The following LSM12 variants were observed in gnomAD, a reference collection of about 807,000 sequenced individuals.
LSM12 encodes the protein LSM12 homolog.
For synonymous variants in LSM12, 74 were observed against 87.3 expected, an observed-to-expected ratio of 0.85 and a Z score of 0.85; for missense variants, 108 against 238.9, an observed-to-expected ratio of 0.45 and a Z score of 3.61.
intron 2 of LSM12, among the ~76,000 whole-genome samples, chr17:44,062,466 G>C (rs534601226): frequency 3.1e-4 from 47 of 152,316 alleles, no homozygotes; most frequent in African/African-American, 1.1e-3. Flanking sequence ...GTGCTGATGG[G>C]TGGTAAGGCT....
chr17:44,037,974 T>C (rs1428620473), intron 3 of LSM12, among the ~76,000 whole-genome samples: 3 of 152,174 alleles, frequency 2.0e-5, no homozygotes, highest in East Asian at 1.9e-4. Flanking sequence ...GCATGGACAA[T>C]AGGTAAAACA....
At chr17:44,062,046 C>G (rs1010745396) in intron 2 of LSM12, among the ~76,000 whole-genome samples, 2 of 151,882 alleles carry the variant, frequency 1.3e-5, no homozygotes, top group African/African-American at 4.8e-5. Flanking sequence ...ACAGTGAAAC[C>G]CCGTCTCTAC....
chr17:44,046,491 G>A (rs1299391255), intron 2 of LSM12, among the ~76,000 whole-genome samples: 1 of 150,794 alleles, frequency 6.6e-6, no homozygotes, highest in East Asian at 2.1e-4. Context: ...ATGGATCACG[G>A]GGTCAGGAGA....
At chr17:44,048,778 G>GAAAACA (rs1010344730) in intron 2 of LSM12, among the ~76,000 whole-genome samples, 6 of 152,154 alleles carry the variant, frequency 3.9e-5, no homozygotes, top group African/African-American at 1.4e-4. Flanking sequence ...GATTCCCAGT[G>GAAAACA]AAAACACAGT....
intron 2 of LSM12, among the ~76,000 whole-genome samples, chr17:44,052,035 G>C (rs1014729299): frequency 4.6e-5 from 7 of 152,058 alleles, no homozygotes; most frequent in African/African-American, 1.7e-4. Flanking sequence ...TTGAACCGGG[G>C]AGGCGGAGGT....
At chr17:44,038,635 C>T (rs1008744576) in intron 3 of LSM12, among the ~76,000 whole-genome samples, 2 of 152,066 alleles carry the variant, frequency 1.3e-5, no homozygotes, top group South Asian at 2.1e-4. Flanking sequence ...AGCCTGGTGA[C>T]AGAGTGAGAC....
intron 2 of LSM12, among the ~76,000 whole-genome samples, chr17:44,048,057 ACACACACG>A (rs2049594328): frequency 6.8e-6 from 1 of 147,576 alleles, no homozygotes; most frequent in African/African-American, 2.6e-5. Context: ...ACACACACAC[ACACACACG>A]CAAATAAAAA....
chr17:44,036,345 G>C (rs1325700584), intron 4 of LSM12, 45 bp from the exon 5 acceptor site: 1 of 1,612,250 alleles, frequency 6.2e-7, no homozygotes, highest in Non-Finnish European at 8.5e-7. Context: ...AGATGCGGAA[G>C]AAAGGTCTCC....
rs926203747 is a variant in LSM12, at chr17:44,036,145, C to A, written c.*63G>T. 6.4e-7 allele frequency: 1 copy of A among 1,556,154 alleles called. No individual in the cohort carries two copies. The highest frequency in any genetic ancestry group is 1.4e-5 in the African/African-American group (1 of 71,504). On this transcript the variant is annotated 3_prime_UTR_variant, in exon 5 of 5. Transcript: ENST00000293406. ...TCCCTTCCCTCCCCCGGCCTGCCTC[C>A]GCTGAAGCCACCACCAGCGCCTCCT...
chr17:44,048,149 G>A (rs1363451294), intron 2 of LSM12, among the ~76,000 whole-genome samples: 1 of 151,430 alleles, frequency 6.6e-6, no homozygotes, highest in African/African-American at 2.4e-5. Context: ...CCAGTCTATG[G>A]CTTGTCTTTT....
chr17:44,058,633 T>G (rs1268968126), intron 2 of LSM12, among the ~76,000 whole-genome samples: 2 of 151,864 alleles, frequency 1.3e-5, no homozygotes, highest in African/African-American at 4.8e-5. Flanking sequence ...GAGTTCGAGA[T>G]CAGCCTGGTC....
intron 2 of LSM12, among the ~76,000 whole-genome samples, chr17:44,051,052 T>C (rs2049636695): frequency 2.0e-5 from 3 of 152,002 alleles, no homozygotes; most frequent in African/African-American, 7.3e-5. Flanking sequence ...GGTGGGCGGA[T>C]CACGAGGTCA....
intron 2 of LSM12, among the ~76,000 whole-genome samples, chr17:44,042,435 T>C (rs2049506910): frequency 6.6e-6 from 1 of 152,154 alleles, no homozygotes; most frequent in African/African-American, 2.4e-5. Context: ...GTTTCACTCT[T>C]GTTGCCCAGG....
chr17:44,039,475 G>A (rs1489669864), intron 3 of LSM12, among the ~76,000 whole-genome samples: 2 of 130,994 alleles, frequency 1.5e-5, no homozygotes, highest in East Asian at 2.4e-4. Flanking sequence ...TCCGCCTCCC[G>A]GGTTCACGCC....
chr17:44,060,193 T>G (rs1343461648), intron 2 of LSM12, among the ~76,000 whole-genome samples: 1 of 151,988 alleles, frequency 6.6e-6, no homozygotes. Context: ...ATAAAATAAA[T>G]AGAGTAGGCT....
rs181643153 is a variant in LSM12 at position 44,038,010 on chromosome 17, T to C, written c.369-472A>G. Among the ~76,000 whole-genome samples, 934 of 152,262 alleles carry C rather than the reference T, an allele frequency of 6.1e-3. 13 individuals carry two copies. Among genetic ancestry groups the C allele is most frequent in the African/African-American group, 0.021 (884 of 41,542 alleles). On this transcript the variant is annotated intron_variant, in intron 3 of 4. Coordinates refer to ENST00000293406, the MANE Select transcript of LSM12 (RefSeq NM_001371445.1). ...GATGAGCAGATGTGGCCTGCTGGCA[T>C]AGTTTGTCAACCATTGGCCTAGGGA... is the stretch of plus-strand genomic sequence containing the variant.
chr17:44,058,599 A>C (rs540031692), intron 2 of LSM12, among the ~76,000 whole-genome samples: 2 of 152,062 alleles, frequency 1.3e-5, no homozygotes, highest in East Asian at 3.9e-4. Flanking sequence ...TTGGGAGGCC[A>C]AGGCGGGTGG....
At chr17:44,039,860 T>C (rs937294003) in intron 3 of LSM12, among the ~76,000 whole-genome samples, 2 of 152,232 alleles carry the variant, frequency 1.3e-5, no homozygotes, top group Non-Finnish European at 2.9e-5. Flanking sequence ...TTCTAAGTTA[T>C]GGACTACTAG....
At chr17:44,051,467 A>C (rs1368083320) in intron 2 of LSM12, among the ~76,000 whole-genome samples, 1 of 150,756 alleles carries the variant, frequency 6.6e-6, no homozygotes, top group Non-Finnish European at 1.5e-5. Context: ...TCGGGAGCCT[A>C]GCTTGTGCCT....
Sources: gnomAD v4.1 joint callset for allele counts (sites outside exome capture counted in the v4.1 genomes callset) on GRCh38, gnomAD v4.1.1 for gene constraint, MANE v1.5 for transcripts, NCBI Gene and HGNC (gene_info 2026-07-23, HGNC 2026-07-21) for gene names.